The following EPHA6 variants were observed in gnomAD, a reference collection of about 807,000 sequenced individuals.
EPHA6 encodes the protein EPH receptor A6.
EPHA6 carries 50 observed loss-of-function variants against 112.0 expected under a neutral mutation model. That is an observed-to-expected ratio of 0.45 (90% CI 0.36 to 0.56). EPHA6 has a LOEUF of 0.56. Ranked by LOEUF, EPHA6 falls within the 20% of genes least tolerant of loss-of-function variation. EPHA6 has a pLI of 0.00. For missense variants in EPHA6, 1,280 were observed against 1,417.4 expected (o/e 0.90, Z 1.56); for synonymous variants, 529 against 490.7 (o/e 1.08, Z -1.03).
chr3:97,328,319 G>A (rs2108810736), intron 5 of EPHA6, among the ~76,000 whole-genome samples: 1 of 151,824 alleles, frequency 6.6e-6, no homozygotes, highest in Admixed American at 6.6e-5. Flanking sequence ...ATTCTCACAA[G>A]CAAAATATGT....
At chr3:97,508,497 TC>T (rs2092300235) in intron 10 of EPHA6, among the ~76,000 whole-genome samples, 3 of 152,214 alleles carry the variant, frequency 2.0e-5, no homozygotes, top group Non-Finnish European at 4.4e-5. Context: ...AATCCTGAGT[TC>T]TAATTTGATT....
chr3:97,015,256 G>C (rs1412467261), intron 3 of EPHA6, among the ~76,000 whole-genome samples: 1 of 152,150 alleles, frequency 6.6e-6, no homozygotes, highest in Non-Finnish European at 1.5e-5. Context: ...AAAAGCAAGG[G>C]AAATAGATGT....
At chr3:97,447,065 G>A (rs1474226428) in intron 6 of EPHA6, among the ~76,000 whole-genome samples, 1 of 151,564 alleles carries the variant, frequency 6.6e-6, no homozygotes, top group African/African-American at 2.4e-5. Context: ...TATTATTTGG[G>A]GTATAAATGG....
At chr3:97,401,749 C>T (rs527543439) in intron 5 of EPHA6, among the ~76,000 whole-genome samples, 65 of 151,664 alleles carry the variant, frequency 4.3e-4, no homozygotes, top group South Asian at 1.7e-3. Context: ...CCTTTAGATG[C>T]ATCATTAGAT....
chr3:97,182,868 T>C (rs1018511958), intron 3 of EPHA6, among the ~76,000 whole-genome samples: 3 of 152,144 alleles, frequency 2.0e-5, no homozygotes, highest in African/African-American at 7.2e-5. Context: ...TATGTTTTAC[T>C]GAAAAGTAGG....
intron 3 of EPHA6, among the ~76,000 whole-genome samples, chr3:97,123,548 A>G (rs191240626): frequency 9.7e-4 from 148 of 152,256 alleles, no homozygotes; most frequent in African/African-American, 3.4e-3. Context: ...GAAATGTTAA[A>G]TCATGTAGAG....
intron 5 of EPHA6, among the ~76,000 whole-genome samples, chr3:97,379,536 G>A (rs776704774): frequency 6.6e-6 from 1 of 151,416 alleles, no homozygotes; most frequent in African/African-American, 2.4e-5. Context: ...GGATCATGAG[G>A]TCAGGAGTTT....
At chr3:97,422,932 G>C (rs1559986843) in intron 6 of EPHA6, among the ~76,000 whole-genome samples, 1 of 152,226 alleles carries the variant, frequency 6.6e-6, no homozygotes. Context: ...GTGCAGAAAA[G>C]GCTTTCAGTA....
chr3:97,748,833 C>A lies in EPHA6; in HGVS notation c.*132C>A, dbSNP rs973557470. On this transcript the variant is annotated 3_prime_UTR_variant, in exon 18 of 18. Transcript: ENST00000389672. Reference sequence around the variant, plus strand: ...GTCTTCTGTTCAGACTATAGGCACACACCTTATGTTTATGCTTCCAACCAG... The same window carrying A: ...GTCTTCTGTTCAGACTATAGGCACAAACCTTATGTTTATGCTTCCAACCAG... 1 of 637,490 alleles carries A rather than the reference C, an allele frequency of 1.6e-6. No individual in the cohort carries two copies. Among genetic ancestry groups the A allele is most frequent in the Admixed American group, 2.4e-5 (1 of 42,088 alleles). The allele number at this position is 637,490 out of a possible 1,614,324, so 39.5% of individuals were successfully genotyped here.
At chr3:97,346,793 T>C (rs2083556888) in intron 5 of EPHA6, among the ~76,000 whole-genome samples, 1 of 152,026 alleles carries the variant, frequency 6.6e-6, no homozygotes. Context: ...GACATTATCA[T>C]GGAGAAATTG....
intron 3 of EPHA6, among the ~76,000 whole-genome samples, chr3:97,217,581 G>T (rs962972088): frequency 2.6e-5 from 4 of 152,144 alleles, no homozygotes; most frequent in African/African-American, 9.6e-5. Flanking sequence ...ACCCTAAAAT[G>T]AAGAGGTATA....
intron 12 of EPHA6, among the ~76,000 whole-genome samples, chr3:97,597,446 GTTTAATA>G (rs1215499501): frequency 6.6e-6 from 1 of 152,086 alleles, no homozygotes; most frequent in African/African-American, 2.4e-5. Flanking sequence ...TAAGAATAAT[GTTTAATA>G]TTGTTTATTT....
intron 7 of EPHA6, among the ~76,000 whole-genome samples, chr3:97,454,091 C>G (rs1285650940): frequency 6.6e-6 from 1 of 151,744 alleles, no homozygotes; most frequent in African/African-American, 2.4e-5. Context: ...TTCATCATAT[C>G]TAAGATTCTT....
At chr3:97,483,555 A>G (rs2091615982) in intron 9 of EPHA6, among the ~76,000 whole-genome samples, 1 of 152,210 alleles carries the variant, frequency 6.6e-6, no homozygotes, top group Admixed American at 6.5e-5. Flanking sequence ...GGAGGAACCT[A>G]GTGGGCTTCC....
intron 16 of EPHA6, among the ~76,000 whole-genome samples, chr3:97,744,952 A>T (rs895930627): frequency 1.3e-5 from 2 of 151,964 alleles, no homozygotes; most frequent in Non-Finnish European, 2.9e-5. Flanking sequence ...TTGAAATAGG[A>T]CACTCAATTT....
At chr3:97,398,210 A>T (rs976214501) in intron 5 of EPHA6, among the ~76,000 whole-genome samples, 1 of 151,666 alleles carries the variant, frequency 6.6e-6, no homozygotes, top group Admixed American at 6.6e-5. Context: ...AATGTAAAAC[A>T]CTGGTAATAT....
chr3:97,720,276 A>G lies in EPHA6; in HGVS notation c.2800A>G (p.Ile934Val). 2 of 1,596,906 alleles carry G rather than the reference A, an allele frequency of 1.3e-6. No individual in the cohort carries two copies. The highest frequency in any genetic ancestry group is 1.7e-6 in the Non-Finnish European group (2 of 1,173,198). The change falls in exon 15 of 18, where the codon ATA becomes GTA. Residue 934 changes from isoleucine (I) to valine (V), a missense_variant. This residue lies in a region of EPHA6 where 878 missense variants were observed against 999.7 expected (regional missense o/e 0.88). Coordinates refer to ENST00000389672, the MANE Select transcript of EPHA6 (RefSeq NM_001080448.3). ...TGTTTTCCAGGGTGGAAAAATCCCC[A>G]TAAGGTGGACAGCCCCAGAAGCCAT... ...AYTTTGGKIP[I>V]RWTAPEAIAY...
chr3:96,901,354 T>C (rs2038599782), intron 2 of EPHA6, among the ~76,000 whole-genome samples: 1 of 152,160 alleles, frequency 6.6e-6, no homozygotes, highest in African/African-American at 2.4e-5. Context: ...CATGTATGTA[T>C]AATATACATA....
chr3:97,040,225 C>T (rs914046338), intron 3 of EPHA6, among the ~76,000 whole-genome samples: 2 of 151,710 alleles, frequency 1.3e-5, no homozygotes, highest in African/African-American at 4.8e-5. Context: ...CTGTTATTGC[C>T]TTTATTTTAA....
Sources: allele counts gnomAD v4.1 joint callset (sites outside exome capture counted in the v4.1 genomes callset), GRCh38; gene constraint gnomAD v4.1.1; regional missense constraint gnomAD v4.1.1; transcripts MANE v1.5; gene names NCBI Gene and HGNC (gene_info 2026-07-23, HGNC 2026-07-21).